NAA50: variants seen among roughly 807,000 people sequenced by gnomAD.
NAA50 encodes the protein N-alpha-acetyltransferase 50.
Under a neutral mutation model 20.7 loss-of-function variants are expected in NAA50, and 7 were observed. That is an observed-to-expected ratio of 0.34 (90% confidence interval 0.19 to 0.63). NAA50 has a LOEUF of 0.63. Ranked by LOEUF, NAA50 falls within the 30% of genes least tolerant of loss-of-function variation. NAA50 has a pLI of 0.75. For missense variants in NAA50, 111 were observed against 199.1 expected (o/e 0.56, Z 2.66); for synonymous variants, 54 against 70.6 (o/e 0.77, Z 1.18).
intron 2 of NAA50, 189 bp from the exon 3 acceptor site, chr3:113,723,730 T>A (rs926598929): frequency 5.0e-6 from 4 of 798,420 alleles, no homozygotes; most frequent in Non-Finnish European, 7.4e-6. Flanking sequence ...TAGCTTAAAG[T>A]GAAAACACAC....
At chr3:113,737,210 G>A (rs530035212) in intron 1 of NAA50, among the ~76,000 whole-genome samples, 4 of 152,270 alleles carry the variant, frequency 2.6e-5, no homozygotes, top group Non-Finnish European at 4.4e-5. Flanking sequence ...TTTTTCTGAC[G>A]TATACTGATA....
At position 113,719,850 on chromosome 3, in the gene NAA50, A is replaced by G. The variant is rs1234464855; in HGVS notation, c.*1910T>C. 6.6e-6 allele frequency: 1 copy of G among 152,630 alleles called. No homozygotes were observed. Among genetic ancestry groups the G allele is most frequent in the Non-Finnish European group, 1.5e-5 (1 of 68,018 alleles). 9.5% of individuals were successfully genotyped at this position (152,630 alleles called of 1,614,324 possible). A position where few individuals can be genotyped will look rare whatever the true frequency, so the allele number is the denominator to read the frequency against. ...TGTCATCTCAGAAAACCATTTATAT[A>G]TCAAAGTCTATTTTGATATCTGGGA... On this transcript the variant is annotated 3_prime_UTR_variant, in exon 5 of 5. Coordinates refer to ENST00000240922, the MANE Select transcript of NAA50 (RefSeq NM_025146.4).
intron 2 of NAA50, 120 bp from the exon 3 acceptor site, chr3:113,723,661 A>G: frequency 1.7e-6 from 2 of 1,183,694 alleles, no homozygotes; most frequent in Non-Finnish European, 2.3e-6. Flanking sequence ...TATTTCATGA[A>G]TATCAATGAT....
At chr3:113,733,954 G>C (rs923256060) in intron 1 of NAA50, among the ~76,000 whole-genome samples, 1 of 151,486 alleles carries the variant, frequency 6.6e-6, no homozygotes, top group Non-Finnish European at 1.5e-5. Flanking sequence ...GTTTCTTTTG[G>C]AAGTGCCCCA....
At chr3:113,733,852 CCAA>C (rs1411557819) in intron 1 of NAA50, among the ~76,000 whole-genome samples, 2 of 57,062 alleles carry the variant, frequency 3.5e-5, no homozygotes, top group South Asian at 5.3e-4. Flanking sequence ...GACTCTGTCT[CCAA>C]AAAAAAAAAA....
chr3:113,742,845 T>C (rs946875933), intron 1 of NAA50, among the ~76,000 whole-genome samples: 3 of 152,204 alleles, frequency 2.0e-5, no homozygotes, highest in Admixed American at 6.5e-5. Context: ...TTTACTACAA[T>C]TGAAGGCTAA....
chr3:113,732,300 G>C (rs748276016), intron 1 of NAA50, among the ~76,000 whole-genome samples: 1 of 152,170 alleles, frequency 6.6e-6, no homozygotes, highest in Non-Finnish European at 1.5e-5. Flanking sequence ...TGAAGATGAA[G>C]GAAGAGCCAG....
At chr3:113,729,610 C>T (rs955760346) in intron 1 of NAA50, among the ~76,000 whole-genome samples, 2 of 151,428 alleles carry the variant, frequency 1.3e-5, no homozygotes, top group African/African-American at 4.9e-5. Context: ...GTAGCACAGT[C>T]TTGGCTTGCT....
chr3:113,726,014 T>C (rs1329311422), intron 1 of NAA50, among the ~76,000 whole-genome samples: 4 of 152,200 alleles, frequency 2.6e-5, no homozygotes, highest in East Asian at 1.9e-4. Flanking sequence ...GTTTCTGTCA[T>C]ACTTAGCAGT....
chr3:113,731,750 T>G (rs556855876), intron 1 of NAA50, among the ~76,000 whole-genome samples: 1 of 152,226 alleles, frequency 6.6e-6, no homozygotes, highest in African/African-American at 2.4e-5. Context: ...GCTTCTTTCA[T>G]GTGGCATGAT....
Position 113,721,726 on chromosome 3 carries a change from C to G in NAA50, c.*34G>C, listed in dbSNP as rs999780676. The G allele has an allele frequency of 1.9e-6, 3 of 1,612,038 alleles. No homozygotes were observed. The highest frequency in any genetic ancestry group is 1.1e-5 in the South Asian group (1 of 90,814). The stretch of plus-strand genomic sequence containing the variant: ...AATGGGCCTCTCTTTTATTTGGCGA[C>G]AAGCAAGTGCAAGAAAGTTCATTTG... On this transcript the variant is annotated 3_prime_UTR_variant, in exon 5 of 5. Transcript: ENST00000240922.
intron 1 of NAA50, chr3:113,740,948 A>C (rs1364351142): frequency 3.9e-6 from 2 of 512,752 alleles, no homozygotes. Context: ...CAGAAGCTTT[A>C]TCACTTTGAA....
At chr3:113,726,722 C>T (rs1297963048) in intron 1 of NAA50, among the ~76,000 whole-genome samples, 4 of 145,644 alleles carry the variant, frequency 2.7e-5, no homozygotes, top group African/African-American at 5.1e-5. Context: ...CCAGCCTGGG[C>T]GAGAGAGCAA....
chr3:113,741,607 C>T (rs971200195), intron 1 of NAA50, among the ~76,000 whole-genome samples: 3 of 152,192 alleles, frequency 2.0e-5, no homozygotes, highest in East Asian at 3.8e-4. Context: ...CTACTGATCA[C>T]ATGTGCAATA....
chr3:113,730,244 G>A lies in NAA50; in HGVS notation c.9-6149C>T, dbSNP rs572990350. ...TGAACCCAAGGGCAGAGGTTGCAGT[G>A]AGCCGAGATCGCCACCACTGCACTC... On this transcript the variant is annotated intron_variant, in intron 1 of 4. Transcript: ENST00000240922. Among the ~76,000 whole-genome samples the A allele has an allele frequency of 9.9e-5, 15 of 151,942 alleles. No homozygotes were observed. In the South Asian group the frequency reaches 1.0e-3, roughly 11 times the overall value.
At position 113,719,650 on chromosome 3, in the gene NAA50, C is replaced by A. The variant is rs944794521; in HGVS notation, c.*2110G>T. On this transcript the variant is annotated 3_prime_UTR_variant, in exon 5 of 5. Transcript: ENST00000240922. ...ACTGACTACCGTGGAAAAAGAAACT[C>A]TATATATAATGATAGGGAGCCTACA... 5 of 152,408 alleles carry A rather than the reference C, an allele frequency of 3.3e-5. No homozygotes were observed. The highest frequency in any genetic ancestry group is 5.9e-5 in the Non-Finnish European group (4 of 67,994). The allele number at this position is 152,408 out of a possible 1,614,324, so 9.4% of individuals were successfully genotyped here.
chr3:113,724,232 C>A, intron 1 of NAA50, 137 bp from the exon 2 acceptor site: 1 of 908,260 alleles, frequency 1.1e-6, no homozygotes, highest in Non-Finnish European at 1.5e-6. Context: ...AGCAAATTAT[C>A]ATTTATAAGC....
At chr3:113,738,186 C>T (rs775341953) in intron 1 of NAA50, among the ~76,000 whole-genome samples, 2 of 152,162 alleles carry the variant, frequency 1.3e-5, no homozygotes, top group Non-Finnish European at 2.9e-5. Context: ...AGAATATAAC[C>T]TAAAAAGAAT....
intron 1 of NAA50, among the ~76,000 whole-genome samples, chr3:113,728,585 A>G (rs1708230705): frequency 2.0e-5 from 3 of 152,234 alleles, no homozygotes; most frequent in African/African-American, 7.2e-5. Flanking sequence ...TGGCTAAAAC[A>G]TCAAGTATGC....
Sources: gnomAD v4.1 joint callset for allele counts (sites outside exome capture counted in the v4.1 genomes callset) on GRCh38, gnomAD v4.1.1 for gene constraint, MANE v1.5 for transcripts, NCBI Gene and HGNC (gene_info 2026-07-23, HGNC 2026-07-21) for gene names.